Variants in ASIC2 observed in about 807,000 individuals in gnomAD.
ASIC2 encodes the protein acid-sensing ion channel 2.
ASIC2 carries 25 observed loss-of-function variants against 57.3 expected under a neutral mutation model. The observed-to-expected ratio is 0.44, with a 90% CI of 0.32 to 0.61. The LOEUF is 0.61. ASIC2 is among the 20% of genes least tolerant of loss of function. The pLI is 0.06. For missense variants in ASIC2, 641 were observed against 738.1 expected (o/e 0.87, Z 1.52); for synonymous variants, 319 against 307.5 (o/e 1.04, Z -0.39).
intron 1 of ASIC2, among the ~76,000 whole-genome samples, chr17:33,660,129 G>A (rs1288304405): frequency 2.0e-5 from 3 of 151,818 alleles, no homozygotes; most frequent in Non-Finnish European, 4.4e-5. Flanking sequence ...AGGGCACTTA[G>A]CATGATTGGA....
chr17:33,775,574 G>C (rs1911244269), intron 1 of ASIC2, among the ~76,000 whole-genome samples: 1 of 152,174 alleles, frequency 6.6e-6, no homozygotes, highest in African/African-American at 2.4e-5. Flanking sequence ...ATCTACAGCA[G>C]GGTCCCATAG....
chr17:33,400,633 C>A (rs1170282745), intron 1 of ASIC2, among the ~76,000 whole-genome samples: 1 of 152,098 alleles, frequency 6.6e-6, no homozygotes, highest in East Asian at 1.9e-4. Context: ...CTTCTTAGAA[C>A]CATGCAAGCA....
At chr17:33,992,601 A>G (rs1906033339) in intron 1 of ASIC2, among the ~76,000 whole-genome samples, 1 of 152,206 alleles carries the variant, frequency 6.6e-6, no homozygotes, top group East Asian at 1.9e-4. Context: ...TTGGCTCGCA[A>G]AAGCCAATTA....
At chr17:33,827,478 C>T (rs2092958061) in intron 1 of ASIC2, among the ~76,000 whole-genome samples, 1 of 149,480 alleles carries the variant, frequency 6.7e-6, no homozygotes. Context: ...ACTACAGGCG[C>T]CCGCCACCAT....
At chr17:33,623,833 T>C (rs564786653) in intron 1 of ASIC2, among the ~76,000 whole-genome samples, 1 of 152,184 alleles carries the variant, frequency 6.6e-6, no homozygotes, top group East Asian at 1.9e-4. Context: ...AGAGAGATAG[T>C]CCAAGCTGTA....
chr17:33,155,923 CA>C (rs1278170203), intron 1 of ASIC2, among the ~76,000 whole-genome samples: 2 of 152,084 alleles, frequency 1.3e-5, no homozygotes, highest in African/African-American at 4.8e-5. Flanking sequence ...CTTAAGGCCC[CA>C]ATTTAATGTG....
intron 1 of ASIC2, among the ~76,000 whole-genome samples, chr17:34,155,308 A>G (rs1033705423): frequency 6.6e-6 from 1 of 152,154 alleles, no homozygotes; most frequent in East Asian, 1.9e-4. Context: ...CACTCTGAAC[A>G]TCTCTTGGCT....
At chr17:33,344,288 C>T (rs78073592) in intron 1 of ASIC2, among the ~76,000 whole-genome samples, 3,778 of 152,260 alleles carry the variant, frequency 0.025, 66 homozygotes, top group Non-Finnish European at 0.037. Flanking sequence ...GAGCAGATGC[C>T]TGTTGTCAGG....
intron 1 of ASIC2, among the ~76,000 whole-genome samples, chr17:34,088,968 C>A (rs7207627): frequency 6.6e-6 from 1 of 152,096 alleles, no homozygotes; most frequent in African/African-American, 2.4e-5. Context: ...GAAAGGGAAC[C>A]TCCTGACCCC....
intron 1 of ASIC2, among the ~76,000 whole-genome samples, chr17:33,629,123 T>A (rs1468917281): frequency 6.6e-6 from 1 of 152,204 alleles, no homozygotes; most frequent in African/African-American, 2.4e-5. Context: ...TATTCCTGTT[T>A]GACCCAGTAC....
At chr17:33,416,082 T>C (rs191666151) in intron 1 of ASIC2, among the ~76,000 whole-genome samples, 115 of 152,318 alleles carry the variant, frequency 7.5e-4, no homozygotes, top group African/African-American at 2.6e-3. Flanking sequence ...GGGGTGGTTC[T>C]GCCTTGCATT....
intron 1 of ASIC2, among the ~76,000 whole-genome samples, chr17:33,390,051 G>A (rs187514545): frequency 4.5e-4 from 69 of 152,112 alleles, no homozygotes; most frequent in African/African-American, 1.5e-3. Context: ...GGTGGTTCAC[G>A]TCTGTAATTC....
chr17:33,973,002 C>A (rs1029247706), intron 1 of ASIC2, among the ~76,000 whole-genome samples: 4 of 152,322 alleles, frequency 2.6e-5, no homozygotes, highest in Middle Eastern at 3.4e-3. Context: ...TGGTCAGCAC[C>A]AGAGTTATGC....
At chr17:33,861,135 G>A (rs1313879729) in intron 1 of ASIC2, among the ~76,000 whole-genome samples, 1 of 152,140 alleles carries the variant, frequency 6.6e-6, no homozygotes, top group Non-Finnish European at 1.5e-5. Context: ...TGTAACAGGT[G>A]GGTATTTCTT....
chr17:33,175,257 C>T (rs1905704008), intron 1 of ASIC2, among the ~76,000 whole-genome samples: 1 of 152,154 alleles, frequency 6.6e-6, no homozygotes, highest in Admixed American at 6.5e-5. Flanking sequence ...ATTCTTTGCA[C>T]AGTTTTCAAC....
intron 1 of ASIC2, among the ~76,000 whole-genome samples, chr17:33,735,335 A>G (rs937377816): frequency 6.6e-6 from 1 of 152,168 alleles, no homozygotes; most frequent in Non-Finnish European, 1.5e-5. Flanking sequence ...TCTTGAATGC[A>G]TAAGTGGGCA....
At chr17:33,513,141 C>T (rs1352025391) in intron 1 of ASIC2, among the ~76,000 whole-genome samples, 1 of 152,184 alleles carries the variant, frequency 6.6e-6, no homozygotes, top group Non-Finnish European at 1.5e-5. Context: ...GGCAGGACTG[C>T]TGTAGGAAGA....
intron 1 of ASIC2, among the ~76,000 whole-genome samples, chr17:33,949,295 AG>A (rs754338235): frequency 3.5e-4 from 53 of 152,258 alleles, no homozygotes; most frequent in Middle Eastern, 3.4e-3. Flanking sequence ...CACTTCTCTG[AG>A]GACCCTGCTC....
chr17:33,558,684 C>A (rs1490641335), intron 1 of ASIC2, among the ~76,000 whole-genome samples: 4 of 152,164 alleles, frequency 2.6e-5, no homozygotes, highest in African/African-American at 9.7e-5. Context: ...CTACTGTAAC[C>A]TGAATGTAAA....
Sources: allele counts gnomAD v4.1 joint callset (sites outside exome capture counted in the v4.1 genomes callset), GRCh38; gene constraint gnomAD v4.1.1; transcripts MANE v1.5; gene names NCBI Gene and HGNC (gene_info 2026-07-23, HGNC 2026-07-21).